Variants in UBL3 observed in about 807,000 individuals in gnomAD.
The protein encoded by UBL3 is ubiquitin like 3.
UBL3 carries 6 observed loss-of-function variants against 18.4 expected under a neutral mutation model. That is an observed-to-expected ratio of 0.33 (90% confidence interval 0.18 to 0.64). The LOEUF (loss-of-function observed/expected upper bound fraction) is 0.64. Among genes scored for constraint, UBL3 ranks in the 30% least tolerant of loss-of-function variants. UBL3 has a pLI of 0.76. For synonymous variants in UBL3, 49 were observed against 46.6 expected, an observed-to-expected ratio of 1.05 and a Z score of -0.21; for missense variants, 109 against 142.9, an observed-to-expected ratio of 0.76 and a Z score of 1.21.
intron 1 of UBL3, among the ~76,000 whole-genome samples, chr13:29,786,253 T>A (rs189494409): frequency 6.6e-6 from 1 of 152,128 alleles, no homozygotes; most frequent in African/African-American, 2.4e-5. Flanking sequence ...TCCAGCATCA[T>A]CTCCACCACT....
intron 1 of UBL3, among the ~76,000 whole-genome samples, chr13:29,807,789 T>C (rs1191283765): frequency 6.6e-6 from 1 of 152,186 alleles, no homozygotes; most frequent in Non-Finnish European, 1.5e-5. Context: ...GACTTATCTC[T>C]AACAGTTAAC....
intron 1 of UBL3, among the ~76,000 whole-genome samples, chr13:29,797,248 G>T (rs953625793): frequency 6.6e-6 from 1 of 152,142 alleles, no homozygotes; most frequent in Non-Finnish European, 1.5e-5. Context: ...AAAAGAGAAA[G>T]AAAATTAAAT....
chr13:29,822,636 C>G (rs1878490242), intron 1 of UBL3, among the ~76,000 whole-genome samples: 1 of 152,174 alleles, frequency 6.6e-6, no homozygotes, highest in Admixed American at 6.5e-5. Context: ...CTACTGGGCT[C>G]AAGTGATCAT....
chr13:29,806,500 G>C (rs1399700950), intron 1 of UBL3, among the ~76,000 whole-genome samples: 1 of 152,146 alleles, frequency 6.6e-6, no homozygotes, highest in Non-Finnish European at 1.5e-5. Context: ...TCTAGGTTTA[G>C]TGGAAAATGA....
intron 1 of UBL3, among the ~76,000 whole-genome samples, chr13:29,814,625 A>G (rs1292416800): frequency 6.6e-6 from 1 of 152,112 alleles, no homozygotes; most frequent in Non-Finnish European, 1.5e-5. Context: ...ATAAAGTTGA[A>G]TAAGATGCCC....
intron 1 of UBL3, among the ~76,000 whole-genome samples, chr13:29,826,050 T>G (rs1376455912): frequency 1.3e-5 from 2 of 152,184 alleles, no homozygotes; most frequent in African/African-American, 4.8e-5. Context: ...TGAAGCCCAC[T>G]TGATCATGGT....
intron 1 of UBL3, among the ~76,000 whole-genome samples, chr13:29,834,318 A>G (rs1878864789): frequency 6.6e-6 from 1 of 152,110 alleles, no homozygotes; most frequent in Admixed American, 6.5e-5. Context: ...TGGATAACTA[A>G]ATAGTTCTTT....
intron 1 of UBL3, among the ~76,000 whole-genome samples, chr13:29,806,209 A>G (rs1408420831): frequency 1.3e-5 from 2 of 152,044 alleles, no homozygotes; most frequent in East Asian, 1.9e-4. Flanking sequence ...AAACCCCACA[A>G]AGTAGTATCT....
intron 1 of UBL3, among the ~76,000 whole-genome samples, chr13:29,831,674 AAAAG>A (rs1404718845): frequency 6.6e-6 from 1 of 151,982 alleles, no homozygotes; most frequent in Non-Finnish European, 1.5e-5. Context: ...CAGAAAAGTT[AAAAG>A]AAAGGCTGAT....
chr13:29,818,736 G>T (rs1348123900), intron 1 of UBL3, among the ~76,000 whole-genome samples: 1 of 152,048 alleles, frequency 6.6e-6, no homozygotes, highest in African/African-American at 2.4e-5. Context: ...TTTAGTTTAA[G>T]ACTAAAAAAC....
chr13:29,770,273 C>G (rs2139306004), intron 3 of UBL3, among the ~76,000 whole-genome samples: 1 of 152,144 alleles, frequency 6.6e-6, no homozygotes, highest in East Asian at 1.9e-4. Flanking sequence ...GTTATCCAAA[C>G]TTGCTCAAAC....
Position 29,795,672 on chromosome 13 carries a change from C to T in UBL3, c.28-18409G>A, listed in dbSNP as rs191719897. 5.3e-3 allele frequency among the ~76,000 whole-genome samples: 783 copies of T among 148,388 alleles called. 21 individuals carry two copies. Among genetic ancestry groups the T allele is most frequent in the East Asian group, 3.2e-3 (16 of 4,950 alleles). On this transcript the variant is annotated intron_variant, in intron 1 of 4. Transcript: ENST00000380680. ...TGGCAGCTTGTGCCTGTAATCGCAGCTACTAGGGAGGCTGAGGCAGGAGGA... is the reference window on the plus strand; with the variant it reads ...TGGCAGCTTGTGCCTGTAATCGCAGTTACTAGGGAGGCTGAGGCAGGAGGA...
At chr13:29,821,230 G>A (rs1484634981) in intron 1 of UBL3, among the ~76,000 whole-genome samples, 1 of 152,124 alleles carries the variant, frequency 6.6e-6, no homozygotes, top group Non-Finnish European at 1.5e-5. Flanking sequence ...TGAAATCTGA[G>A]CAGTGTTTCA....
intron 1 of UBL3, among the ~76,000 whole-genome samples, chr13:29,796,008 T>C (rs1877600755): frequency 6.6e-6 from 1 of 152,014 alleles, no homozygotes; most frequent in Non-Finnish European, 1.5e-5. Flanking sequence ...TTAGTTCTAT[T>C]GTTCGGTTCT....
chr13:29,847,128 C>A (rs1003646978), intron 1 of UBL3, among the ~76,000 whole-genome samples: 5 of 152,114 alleles, frequency 3.3e-5, no homozygotes, highest in African/African-American at 9.7e-5. Context: ...GTTGAGAATT[C>A]TAGGCACATA....
At position 29,764,873 on chromosome 13, in the gene UBL3, C is replaced by G. The variant is rs1448383887; in HGVS notation, c.*2382G>C. 6.6e-6 allele frequency: 1 copy of G among 152,132 alleles called. No individual in the cohort carries two copies. Among genetic ancestry groups the G allele is most frequent in the African/African-American group, 2.4e-5 (1 of 41,428 alleles). 9.4% of individuals were successfully genotyped at this position (152,132 alleles called of 1,614,324 possible). ...GATATGAGGAATCGTATTTTAACCA[C>G]CAGGCAGTCCAAGGAATTATTTTTA... is the stretch of plus-strand genomic sequence containing the variant. On this transcript the variant is annotated 3_prime_UTR_variant, in exon 5 of 5. Transcript: ENST00000380680.
At chr13:29,788,495 G>A (rs1877382854) in intron 1 of UBL3, among the ~76,000 whole-genome samples, 2 of 152,130 alleles carry the variant, frequency 1.3e-5, no homozygotes, top group Admixed American at 6.5e-5. Flanking sequence ...TCCTAGGTCA[G>A]GACTTGTTCC....
At chr13:29,767,579 T>C (rs768735918) in intron 4 of UBL3, 39 bp downstream of exon 4, 4 of 1,600,586 alleles carry the variant, frequency 2.5e-6, no homozygotes, top group Non-Finnish European at 3.4e-6. Context: ...TGCCTGTCTT[T>C]GTGCCTCAAC....
In UBL3 at chr13:29,840,629, AG is replaced by A. The variant is rs1879073843; in HGVS notation, c.27+8882del. Among the ~76,000 whole-genome samples the A allele has an allele frequency of 2.0e-5, 3 of 152,196 alleles. No homozygotes were observed. The South Asian group carries it at 6.2e-4, about 31-fold the overall frequency. ...GTAAAATTAAAAGCTAGGTTTATCC[AG>A]AAATTCAAGGATGTTTTAAAATTAG... On this transcript the variant is annotated intron_variant, in intron 1 of 4. Transcript: ENST00000380680.
Sources: gnomAD v4.1 joint callset for allele counts (sites outside exome capture counted in the v4.1 genomes callset) on GRCh38, gnomAD v4.1.1 for gene constraint, MANE v1.5 for transcripts, NCBI Gene and HGNC (gene_info 2026-07-23, HGNC 2026-07-21) for gene names.